The following DNA2 variants were observed in gnomAD, a reference collection of about 807,000 sequenced individuals.
DNA2 encodes the protein DNA replication helicase/nuclease 2.
DNA2 carries 101 observed loss-of-function variants against 119.1 expected under a neutral mutation model. That is an observed-to-expected ratio of 0.85 (90% CI 0.72 to 1.00). The LOEUF (loss-of-function observed/expected upper bound fraction) is 1.00. Among genes scored for constraint, DNA2 ranks in the 50% least tolerant of loss-of-function variants. DNA2 has a pLI of 0.00. For missense variants in DNA2, 1,121 were observed against 1,255.5 expected (o/e 0.89, Z 1.62); for synonymous variants, 366 against 424.4 (o/e 0.86, Z 1.69).
intron 5 of DNA2, among the ~76,000 whole-genome samples, chr10:68,457,751 A>C (rs895938002): frequency 9.9e-5 from 15 of 152,242 alleles, no homozygotes; most frequent in African/African-American, 3.6e-4. Flanking sequence ...AAAAAAAAAA[A>C]AACTTGAAAA....
chr10:68,464,341 C>T (rs1023619324), intron 4 of DNA2, among the ~76,000 whole-genome samples: 2 of 151,816 alleles, frequency 1.3e-5, no homozygotes, highest in East Asian at 1.9e-4. Context: ...GGTTAAACCC[C>T]GTCTTCACTA....
rs1554911807 is a variant in DNA2, at chr10:68,471,780, TCTCCGCTCACAG to T, written c.73_74+10del. The T allele has an allele frequency of 1.9e-6, 3 of 1,591,840 alleles. No individual in the cohort carries two copies. The highest frequency in any genetic ancestry group is 2.6e-6 in the Non-Finnish European group (3 of 1,169,658). On this transcript the variant is annotated splice_donor_variant and splice_donor_5th_base_variant and coding_sequence_variant and intron_variant, in exon 1 of 21. Transcript: ENST00000358410. LOFTEE classifies it high-confidence loss of function. ...CGCTTTGTTCCCACACCCTCCCCCCTCTCCGCTCACAGCTCCGCCGGCAGCTCCGCCTCCTCC... is the reference window on the plus strand; with the variant it reads ...CGCTTTGTTCCCACACCCTCCCCCCTCTCCGCCGGCAGCTCCGCCTCCTCC...
intron 5 of DNA2, among the ~76,000 whole-genome samples, chr10:68,453,636 A>C (rs558038143): frequency 5.9e-5 from 9 of 152,224 alleles, no homozygotes; most frequent in Non-Finnish European, 1.3e-4. Flanking sequence ...GTGGTAATAC[A>C]ACACACTACC....
rs2052018527 is a variant in DNA2, at chr10:68,444,945, A to G, written c.1196T>C (p.Ile399Thr). The G allele has an allele frequency of 1.2e-6, 2 of 1,613,640 alleles. No homozygotes were observed. The highest frequency in any genetic ancestry group is 1.7e-6 in the Non-Finnish European group (2 of 1,179,750). ...EEKTCKYCSQIGNCALYSRAV... is the reference protein window; with the variant it reads ...EEKTCKYCSQTGNCALYSRAV... ...CCTGCTATAAAGAGCACAATTGCCA[A>G]TTTGTGAACAATATTTACAAGTTTT... The change falls in exon 8 of 21, where the codon ATT becomes ACT. Residue 399 changes from isoleucine (I) to threonine (T), a missense_variant. Transcript: ENST00000358410.
At chr10:68,461,856 A>G (rs2052264293) in intron 4 of DNA2, among the ~76,000 whole-genome samples, 1 of 149,178 alleles carries the variant, frequency 6.7e-6, no homozygotes, top group African/African-American at 2.5e-5. Flanking sequence ...AAAAAAATAG[A>G]GGCTGGAGGA....
At chr10:68,469,390 C>CAAAAA (rs71019005) in intron 2 of DNA2, among the ~76,000 whole-genome samples, 9 of 76,036 alleles carry the variant, frequency 1.2e-4, no homozygotes, top group Non-Finnish European at 1.5e-4. Context: ...ACTAAAAATA[C>CAAAAA]AAAAAAAAAA....
chr10:68,463,668 C>CA (rs1350131594), intron 4 of DNA2, among the ~76,000 whole-genome samples: 6,204 of 98,376 alleles, frequency 0.063, 460 homozygotes, highest in African/African-American at 0.2. Flanking sequence ...GACTCCATCT[C>CA]AAAAAAAAAA....
rs199757875 is a variant in DNA2 at position 68,465,831 on chromosome 10, C to T, written c.442-19G>A. 2.2e-5 allele frequency: 32 copies of T among 1,487,424 alleles called. No homozygotes were observed. The highest frequency in any genetic ancestry group is 2.7e-5 in the Non-Finnish European group (30 of 1,114,780). 92.1% of individuals were successfully genotyped at this position (1,487,424 alleles called of 1,614,324 possible). A position where few individuals can be genotyped will look rare whatever the true frequency, so the allele number is the denominator to read the frequency against. On this transcript the variant is annotated intron_variant, in intron 3 of 20. Coordinates refer to ENST00000358410, the MANE Select transcript of DNA2 (RefSeq NM_001080449.3). Reference sequence around the variant, plus strand: ...CAGAGCTCTACAAAAGCAAATCACACAGTTTATTTCACAACATATTAACAG... The same window carrying T: ...CAGAGCTCTACAAAAGCAAATCACATAGTTTATTTCACAACATATTAACAG...
chr10:68,427,868 C>G (rs2051763605), intron 14 of DNA2, among the ~76,000 whole-genome samples: 1 of 151,650 alleles, frequency 6.6e-6, no homozygotes, highest in African/African-American at 2.4e-5. Context: ...CTCGTCACTA[C>G]TAAAAATATA....
upstream of DNA2, chr10:68,471,981 C>T: frequency 6.2e-7 from 1 of 1,611,796 alleles, no homozygotes; most frequent in Non-Finnish European, 8.5e-7. Flanking sequence ...CATGCGCCAA[C>T]CCGCAGATGT....
At chr10:68,419,969 C>T in intron 17 of DNA2, 77 bp from the exon 18 acceptor site, 3 of 1,122,402 alleles carry the variant, frequency 2.7e-6, no homozygotes, top group Non-Finnish European at 4.0e-6. Flanking sequence ...GCCATAAAGA[C>T]TATACTACCG....
chr10:68,424,716 G>A (rs1228734536), intron 14 of DNA2: 4 of 1,600,120 alleles, frequency 2.5e-6, no homozygotes, highest in African/African-American at 1.3e-5. Flanking sequence ...CCGCAAGGAC[G>A]ACGAGGTCCA....
At position 68,414,785 on chromosome 10, in the gene DNA2, A is replaced by G. The variant is rs2051567141; in HGVS notation, c.*254T>C. 1 of 370,724 alleles carries G rather than the reference A, an allele frequency of 2.7e-6. No homozygotes were observed. The highest frequency in any genetic ancestry group is 5.0e-6 in the Non-Finnish European group (1 of 200,576). The allele number at this position is 370,724 out of a possible 1,614,324, so 23.0% of individuals were successfully genotyped here. Reference sequence around the variant, plus strand: ...AATCAAATTAGTCCTGAAATGTCTGACTTAAAAGTTTAAAGCTCAAAGTCA... The same window carrying G: ...AATCAAATTAGTCCTGAAATGTCTGGCTTAAAAGTTTAAAGCTCAAAGTCA... On this transcript the variant is annotated 3_prime_UTR_variant, in exon 21 of 21. Transcript: ENST00000358410.
intron 5 of DNA2, among the ~76,000 whole-genome samples, chr10:68,454,122 TC>T (rs2052154641): frequency 6.6e-6 from 1 of 151,992 alleles, no homozygotes; most frequent in Admixed American, 6.6e-5. Context: ...ACTGCCAGGG[TC>T]CCATGCTGCT....
intron 5 of DNA2, among the ~76,000 whole-genome samples, chr10:68,454,948 T>C (rs541315648): frequency 1.6e-4 from 24 of 151,540 alleles, no homozygotes; most frequent in African/African-American, 5.8e-4. Context: ...GGATTTTTTT[T>C]TTTTTTTTGA....
chr10:68,429,562 A>T (rs888979708), intron 14 of DNA2, among the ~76,000 whole-genome samples: 26 of 149,096 alleles, frequency 1.7e-4, no homozygotes, highest in African/African-American at 4.7e-4. Context: ...AAAAAAAAAA[A>T]TTAGTCAGGC....
intron 10 of DNA2, 48 bp downstream of exon 10, chr10:68,436,963 A>C: frequency 1.4e-6 from 2 of 1,409,138 alleles, no homozygotes; most frequent in Non-Finnish European, 2.0e-6. Context: ...CACAGATGTG[A>C]ATTATATATC....
intron 4 of DNA2, among the ~76,000 whole-genome samples, chr10:68,464,896 T>A (rs2052308677): frequency 6.7e-6 from 1 of 150,074 alleles, no homozygotes. Context: ...ATGTACCTGT[T>A]GTTCCAGATA....
intron 1 of DNA2, 143 bp from the exon 2 acceptor site, chr10:68,470,306 G>C: frequency 1.4e-6 from 1 of 697,890 alleles, no homozygotes. Flanking sequence ...AGACAAAATA[G>C]GTAAAATTAA....
Sources: allele counts gnomAD v4.1 joint callset (sites outside exome capture counted in the v4.1 genomes callset), GRCh38; gene constraint gnomAD v4.1.1; transcripts MANE v1.5; gene names NCBI Gene and HGNC (gene_info 2026-07-23, HGNC 2026-07-21).